The following SMAD7 variants were observed in gnomAD, a reference collection of about 807,000 sequenced individuals.
SMAD7 encodes SMAD family member 7.
A neutral mutation model predicts 38.7 loss-of-function variants in SMAD7; 8 were observed. The ratio of observed to expected loss-of-function variants is 0.21; its 90% CI spans 0.12 to 0.37. The LOEUF (loss-of-function observed/expected upper bound fraction) is 0.37, where lower values mean the gene tolerates loss of function less well. Ranked by LOEUF, SMAD7 falls within the 10% of genes least tolerant of loss-of-function variation. The pLI is 1.00. For synonymous variants in SMAD7, 327 were observed against 265.1 expected (o/e 1.23, Z -2.27); for missense variants, 477 against 577.9 (o/e 0.83, Z 1.79).
chr18:48,923,827 G>A (rs2143756676), intron 3 of SMAD7, among the ~76,000 whole-genome samples: 2 of 152,350 alleles, frequency 1.3e-5, no homozygotes, highest in Middle Eastern at 6.8e-3. Flanking sequence ...TGTGTGTTAT[G>A]TGTGTTTCTG....
At chr18:48,947,773 C>T (rs774284857) in intron 2 of SMAD7, among the ~76,000 whole-genome samples, 3 of 152,278 alleles carry the variant, frequency 2.0e-5, no homozygotes, top group Non-Finnish European at 4.4e-5. Context: ...TTCATGCCAG[C>T]CAGTGACAAA....
intron 2 of SMAD7, among the ~76,000 whole-genome samples, chr18:48,943,810 C>T (rs1194056457): frequency 6.7e-6 from 1 of 148,230 alleles, no homozygotes; most frequent in Non-Finnish European, 1.5e-5. Flanking sequence ...ACACATAGCC[C>T]CAAACCATCT....
intron 3 of SMAD7, among the ~76,000 whole-genome samples, chr18:48,930,878 C>T (rs1260602120): frequency 6.6e-6 from 1 of 152,200 alleles, no homozygotes; most frequent in East Asian, 1.9e-4. Context: ...ATGTTCACAG[C>T]AGCATTATTC....
At chr18:48,948,542 G>C (rs1050803943) in intron 1 of SMAD7, 105 bp from the exon 2 acceptor site, 2 of 796,896 alleles carry the variant, frequency 2.5e-6, no homozygotes, top group Non-Finnish European at 4.0e-6. Flanking sequence ...TGTCTTAGCT[G>C]TGGGGGTTGG....
At chr18:48,941,003 C>T (rs558968952) in intron 3 of SMAD7, among the ~76,000 whole-genome samples, 2 of 152,206 alleles carry the variant, frequency 1.3e-5, no homozygotes, top group East Asian at 3.9e-4. Context: ...ACTTCCCTTG[C>T]TTATTTCATG....
Position 48,921,338 on chromosome 18 carries a change from T to C in SMAD7, c.*34A>G. The C allele has an allele frequency of 6.4e-7, 1 of 1,569,550 alleles. No homozygotes were observed. Among genetic ancestry groups the C allele is most frequent in the African/African-American group, 1.3e-5 (1 of 74,128 alleles). ...CAGCAAAGTAGTTTGAAGTGTGGCC[T>C]GCTCAGCTCACGCTCTGTCCCCTCC... On this transcript the variant is annotated 3_prime_UTR_variant, in exon 4 of 4. Coordinates refer to ENST00000262158, the MANE Select transcript of SMAD7 (RefSeq NM_005904.4). This position sits in a 1 kb window ranked among gnomAD's most constrained non-coding sequence, Gnocchi z 6.4.
intron 3 of SMAD7, among the ~76,000 whole-genome samples, chr18:48,925,752 CTT>C (rs36113382): frequency 8.8e-5 from 13 of 148,016 alleles, no homozygotes; most frequent in Admixed American, 2.7e-4. Flanking sequence ...AAATGTTTTT[CTT>C]TTTTTTTTTT....
intron 3 of SMAD7, among the ~76,000 whole-genome samples, chr18:48,926,430 G>A (rs750907857): frequency 6.6e-6 from 1 of 152,202 alleles, no homozygotes; most frequent in Non-Finnish European, 1.5e-5. Flanking sequence ...GAGTGAGGAC[G>A]GGTCTCCACC....
intron 3 of SMAD7, among the ~76,000 whole-genome samples, chr18:48,928,231 T>C (rs2069952256): frequency 6.6e-6 from 1 of 152,196 alleles, no homozygotes; most frequent in South Asian, 2.1e-4. Flanking sequence ...GATGGCCCCA[T>C]GGGCCCCCTT....
intron 3 of SMAD7, among the ~76,000 whole-genome samples, chr18:48,939,196 C>T (rs1363527194): frequency 6.7e-6 from 1 of 148,636 alleles, no homozygotes; most frequent in Non-Finnish European, 1.5e-5. Context: ...CATACACACA[C>T]AAGCTTGCAC....
At chr18:48,939,391 C>T (rs929089796) in intron 3 of SMAD7, among the ~76,000 whole-genome samples, 2 of 148,532 alleles carry the variant, frequency 1.3e-5, no homozygotes, top group Non-Finnish European at 3.0e-5. Context: ...CCACACCCCC[C>T]CAAAACAAAG....
chr18:48,929,569 T>TCTCTCTCTCACA (rs3082710), intron 3 of SMAD7, among the ~76,000 whole-genome samples: 87 of 114,624 alleles, frequency 7.6e-4, no homozygotes, highest in Middle Eastern at 4.7e-3. Context: ...TCTCTCTCTC[T>TCTCTCTCTCACA]CACTCACACA....
chr18:48,946,681 C>T (rs1201309432), intron 2 of SMAD7, among the ~76,000 whole-genome samples: 4 of 152,140 alleles, frequency 2.6e-5, no homozygotes, highest in South Asian at 4.1e-4. Flanking sequence ...ATGGCACATT[C>T]CTGTCTTTGT....
chr18:48,935,598 G>A (rs540038206), intron 3 of SMAD7, among the ~76,000 whole-genome samples: 12 of 152,332 alleles, frequency 7.9e-5, no homozygotes, highest in African/African-American at 2.4e-4. Context: ...ATCCTGGTTC[G>A]CAGTCACTGG....
chr18:48,950,063 GTCC>G lies in SMAD7; in HGVS notation c.359_361del (p.Gly120_Thr121delinsAla). ...GGGCAGCAGGAGGCACGCGGTGCGCGTCCCGCCGCGGGACTCCACGGCCTGGAG... is the reference window on the plus strand; with the variant it reads ...GGGCAGCAGGAGGCACGCGGTGCGCGCGCCGCGGGACTCCACGGCCTGGAG... On this transcript the variant is annotated inframe_deletion, in exon 1 of 4. Coordinates refer to ENST00000262158, the MANE Select transcript of SMAD7 (RefSeq NM_005904.4). 2 of 1,437,778 alleles carry G rather than the reference GTCC, an allele frequency of 1.4e-6. No individual in the cohort carries two copies. Among genetic ancestry groups the G allele is most frequent in the Non-Finnish European group, 1.8e-6 (2 of 1,098,538 alleles). 89.1% of individuals were successfully genotyped at this position (1,437,778 alleles called of 1,614,324 possible).
At chr18:48,930,107 A>C (rs192159635) in intron 3 of SMAD7, 1 of 146,978 alleles carries the variant, frequency 6.8e-6, no homozygotes, top group Non-Finnish European at 1.5e-5. Flanking sequence ...CTCCCCGTGC[A>C]CTCCCAGCCC....
intron 3 of SMAD7, among the ~76,000 whole-genome samples, chr18:48,922,384 G>A (rs1399940346): frequency 6.6e-6 from 1 of 152,134 alleles, no homozygotes; most frequent in East Asian, 1.9e-4. Flanking sequence ...GCCTGCTGCT[G>A]GAGTACCAGG....
intron 3 of SMAD7, among the ~76,000 whole-genome samples, chr18:48,923,813 CGA>C (rs1386187453): frequency 1.3e-5 from 2 of 152,092 alleles, no homozygotes; most frequent in African/African-American, 2.4e-5. Flanking sequence ...TCAGTGTGTA[CGA>C]GTGTGTGTTA....
chr18:48,946,612 G>A (rs1010089446), intron 2 of SMAD7, among the ~76,000 whole-genome samples: 14 of 152,280 alleles, frequency 9.2e-5, no homozygotes, highest in South Asian at 2.1e-4. Context: ...CTTAGTTTCC[G>A]ATTGGCAGGT....
Sources: gnomAD v4.1 joint callset for allele counts (sites outside exome capture counted in the v4.1 genomes callset) on GRCh38, gnomAD v4.1.1 for gene constraint, Gnocchi (gnomAD v3.1) non-coding constraint, MANE v1.5 for transcripts, NCBI Gene and HGNC (gene_info 2026-07-23, HGNC 2026-07-21) for gene names.